The following SNX10 variants were observed in gnomAD, a reference collection of about 807,000 sequenced individuals.
The protein encoded by SNX10 is sorting nexin 10, also known as sorting nexin-10.
SNX10 carries 25 observed loss-of-function variants against 28.5 expected under a neutral mutation model. The observed-to-expected ratio is 0.88, with a 90% CI of 0.64 to 1.22. SNX10 has a LOEUF of 1.22. Ranked by LOEUF, SNX10 falls within the 50% of genes most tolerant of loss-of-function variation. The pLI is 0.00. For missense variants in SNX10, 223 were observed against 242.6 expected (o/e 0.92, Z 0.54); for synonymous variants, 62 against 81.4 (o/e 0.76, Z 1.28).
At chr7:26,322,499 AAAAAC>A (rs1257740056) in intron 1 of SNX10, among the ~76,000 whole-genome samples, 3 of 152,252 alleles carry the variant, frequency 2.0e-5, no homozygotes, top group Non-Finnish European at 4.4e-5. Context: ...ATTTGTTATT[AAAAAC>A]TTGGTCATAG....
chr7:26,337,543 T>C (rs1787987773), intron 1 of SNX10, among the ~76,000 whole-genome samples: 1 of 152,248 alleles, frequency 6.6e-6, no homozygotes, highest in Admixed American at 6.5e-5. Flanking sequence ...AAACCTCATG[T>C]AAGTGGAATA....
intron 2 of SNX10, among the ~76,000 whole-genome samples, chr7:26,357,913 G>T (rs1449057809): frequency 6.6e-6 from 1 of 152,086 alleles, no homozygotes; most frequent in African/African-American, 2.4e-5. Flanking sequence ...CCATGGGAGA[G>T]GTGCCTGCAC....
intron 2 of SNX10, among the ~76,000 whole-genome samples, chr7:26,348,759 C>G (rs904858137): frequency 6.6e-6 from 1 of 152,216 alleles, no homozygotes; most frequent in East Asian, 1.9e-4. Context: ...CCACCTACCA[C>G]TCCAGTGCAC....
intron 2 of SNX10, among the ~76,000 whole-genome samples, chr7:26,358,930 T>G (rs985864736): frequency 1.3e-5 from 2 of 150,142 alleles, no homozygotes; most frequent in African/African-American, 4.9e-5. Flanking sequence ...CTCAGCCTCC[T>G]GAGTAGCTGA....
rs1185772345 is a variant in SNX10, at chr7:26,373,680, A to C, written c.*1108A>C. On this transcript the variant is annotated 3_prime_UTR_variant, in exon 7 of 7. Transcript: ENST00000338523. The surrounding 1 kb of genome is among the most constrained non-coding windows in gnomAD (Gnocchi z 4.2). ...AACATTTTCTTGAGATAATTACCCA[A>C]GTTTCATCCATGTTGAATGGTACAA... The C allele has an allele frequency of 6.6e-6, 1 of 152,052 alleles. No homozygotes were observed. Among genetic ancestry groups the C allele is most frequent in the Non-Finnish European group, 1.5e-5 (1 of 67,904 alleles). 9.4% of individuals were successfully genotyped at this position (152,052 alleles called of 1,614,324 possible).
Position 26,364,566 on chromosome 7 carries a change from C to T in SNX10, c.143C>T (p.Ser48Phe). The change falls in exon 4 of 7, where the codon TCC becomes TTC. Residue 48 changes from serine (S) to phenylalanine (F), a missense_variant. Transcript: ENST00000338523. This position sits in a 1 kb window ranked among gnomAD's most constrained non-coding sequence, Gnocchi z 4.9. The part of the protein sequence containing the change: ...TNSMCFTMKT[S>F]CVRRRYREFV... ...AGCATGTGTTTTACAATGAAAACAT[C>T]CTGTGTACGAAGAAGATATAGAGAA... 6.2e-7 allele frequency: 1 copy of T among 1,613,836 alleles called. No individual in the cohort carries two copies. The highest frequency in any genetic ancestry group is 2.2e-5 in the East Asian group (1 of 44,864).
At chr7:26,326,357 A>G (rs995694168) in intron 1 of SNX10, among the ~76,000 whole-genome samples, 14 of 152,172 alleles carry the variant, frequency 9.2e-5, no homozygotes, top group Non-Finnish European at 1.9e-4. Context: ...ACGAAGCCTC[A>G]TGTCTGAGTC....
chr7:26,369,454 C>T (rs1000789326), intron 5 of SNX10, among the ~76,000 whole-genome samples: 2 of 152,120 alleles, frequency 1.3e-5, no homozygotes, highest in Non-Finnish European at 2.9e-5. Context: ...TTTTAAATTT[C>T]AGAATGAACT....
At chr7:26,297,427 GA>G (rs1372493293) in intron 1 of SNX10, among the ~76,000 whole-genome samples, 1 of 152,174 alleles carries the variant, frequency 6.6e-6, no homozygotes, top group East Asian at 1.9e-4. Context: ...TTTGGTGTAG[GA>G]AAGACCTCAA....
chr7:26,297,579 G>A (rs1786158538), intron 1 of SNX10, among the ~76,000 whole-genome samples: 1 of 152,102 alleles, frequency 6.6e-6, no homozygotes, highest in South Asian at 2.1e-4. Context: ...CCCCCAATCT[G>A]TCCTTCCCCA....
Position 26,367,431 on chromosome 7 carries a change from C to T in SNX10, c.311+2286C>T, listed in dbSNP as rs146234815. Among the ~76,000 whole-genome samples the T allele has an allele frequency of 5.8e-4, 88 of 152,240 alleles. No homozygotes were observed. The Middle Eastern group carries it at 0.01, about 18-fold the overall frequency. ...GTTCTCTTGTGATATCATTTGTTCC[C>T]CTGTGGTATGTGAACATTTGTCTAC... On this transcript the variant is annotated intron_variant, in intron 5 of 6. Transcript: ENST00000338523.
chr7:26,317,550 T>A (rs1478314418), intron 1 of SNX10, among the ~76,000 whole-genome samples: 3 of 152,116 alleles, frequency 2.0e-5, no homozygotes, highest in Non-Finnish European at 4.4e-5. Context: ...GAGACACTTA[T>A]TTAAGTCTCT....
At chr7:26,371,435 C>T (rs1789528988) in intron 5 of SNX10, among the ~76,000 whole-genome samples, 1 of 152,040 alleles carries the variant, frequency 6.6e-6, no homozygotes, top group East Asian at 1.9e-4. Flanking sequence ...ACAGCCTATC[C>T]CATAAAGATC....
chr7:26,348,292 C>T (rs1342317982), intron 2 of SNX10, among the ~76,000 whole-genome samples: 2 of 152,174 alleles, frequency 1.3e-5, no homozygotes, highest in Non-Finnish European at 2.9e-5. Flanking sequence ...GAAATACCCG[C>T]CCATGAAGTT....
At position 26,364,654 on chromosome 7, in the gene SNX10, A is replaced by G. The variant is rs370373315; in HGVS notation, c.212+19A>G. ...TGCTGGTGTAAGTGATTTAGAGTATACTGTGGAGACTTTGTCATTATATTC... is the reference window on the plus strand; with the variant it reads ...TGCTGGTGTAAGTGATTTAGAGTATGCTGTGGAGACTTTGTCATTATATTC... On this transcript the variant is annotated intron_variant, in intron 4 of 6. Coordinates refer to ENST00000338523, the MANE Select transcript of SNX10 (RefSeq NM_013322.3). The surrounding 1 kb of genome is among the most constrained non-coding windows in gnomAD (Gnocchi z 4.9). 202 of 1,526,704 alleles carry G rather than the reference A, an allele frequency of 1.3e-4. No homozygotes were observed. Among genetic ancestry groups the G allele is most frequent in the Middle Eastern group, 3.4e-4 (2 of 5,916 alleles). 94.6% of individuals were successfully genotyped at this position (1,526,704 alleles called of 1,614,324 possible).
chr7:26,293,379 T>A (rs1447438263), intron 1 of SNX10, among the ~76,000 whole-genome samples: 1 of 151,792 alleles, frequency 6.6e-6, no homozygotes, highest in Non-Finnish European at 1.5e-5. Context: ...ACTTCGGTAT[T>A]TTTTTTGTAG....
intron 1 of SNX10, among the ~76,000 whole-genome samples, chr7:26,319,523 G>C (rs1787228414): frequency 6.6e-6 from 1 of 152,172 alleles, no homozygotes; most frequent in South Asian, 2.1e-4. Flanking sequence ...AGACATTTCA[G>C]TGAGACGGAA....
chr7:26,308,583 A>G (rs543250332), intron 1 of SNX10, among the ~76,000 whole-genome samples: 4 of 152,242 alleles, frequency 2.6e-5, no homozygotes, highest in South Asian at 4.1e-4. Context: ...GGGGTGGTGC[A>G]CCTGGGGAGG....
At chr7:26,329,187 A>G (rs531996405) in intron 1 of SNX10, among the ~76,000 whole-genome samples, 6 of 152,304 alleles carry the variant, frequency 3.9e-5, no homozygotes, top group Admixed American at 3.9e-4. Context: ...GACCCGGCCC[A>G]CATCTCTCTT....
Sources: gnomAD v4.1 joint callset for allele counts (sites outside exome capture counted in the v4.1 genomes callset) on GRCh38, gnomAD v4.1.1 for gene constraint, Gnocchi (gnomAD v3.1) non-coding constraint, MANE v1.5 for transcripts, NCBI Gene and HGNC (gene_info 2026-07-23, HGNC 2026-07-21) for gene names.